Variants in TG observed in about 807,000 individuals in gnomAD.
The protein encoded by TG is thyroglobulin.
TG carries 270 observed loss-of-function variants against 324.7 expected under a neutral mutation model. The observed-to-expected ratio is 0.83, with a 90% CI of 0.75 to 0.92. The LOEUF (loss-of-function observed/expected upper bound fraction) is 0.92, where lower values mean the gene tolerates loss of function less well. Among genes scored for constraint, TG ranks in the 40% least tolerant of loss-of-function variants. The probability of loss-of-function intolerance (pLI) is 0.00; values close to 1 mark genes in which losing one functional copy is unlikely to be tolerated. For synonymous variants in TG, 1,401 were observed against 1,327.0 expected, an observed-to-expected ratio of 1.06 and a Z score of -1.21; for missense variants, 3,591 against 3,456.4, an observed-to-expected ratio of 1.04 and a Z score of -0.98.
intron 41 of TG, among the ~76,000 whole-genome samples, chr8:133,038,988 C>CTG (rs1837631007): frequency 6.6e-6 from 1 of 152,134 alleles, no homozygotes; most frequent in African/African-American, 2.4e-5. Flanking sequence ...AGCGATTCTC[C>CTG]CTCCTTAGCC....
intron 35 of TG, among the ~76,000 whole-genome samples, chr8:132,992,428 T>C (rs1053477429): frequency 1.3e-5 from 2 of 152,212 alleles, no homozygotes; most frequent in African/African-American, 4.8e-5. Context: ...TAGTATTAGG[T>C]GCAAAAGTTA....
At position 132,952,562 on chromosome 8, in the gene TG, C is replaced by A. The variant is rs137877327; in HGVS notation, c.5401+3619C>A. On this transcript the variant is annotated intron_variant, in intron 27 of 47. Transcript: ENST00000220616. ...ACACCTGCTTTCGTTGATCAATTCA[C>A]GGGTACTATCAGGCTATGGTTCAAC... Among the ~76,000 whole-genome samples the A allele has an allele frequency of 8.7e-4, 132 of 152,250 alleles. 2 individuals are homozygous for A. Among genetic ancestry groups the A allele is most frequent in the African/African-American group, 3.1e-3 (129 of 41,544 alleles).
chr8:132,916,076 T>C (rs949388598), intron 20 of TG, among the ~76,000 whole-genome samples: 12 of 152,328 alleles, frequency 7.9e-5, no homozygotes, highest in African/African-American at 2.4e-4. Context: ...GAGGGGCCTA[T>C]AGTGCCACAC....
chr8:133,018,769 C>T (rs185134836), intron 38 of TG, among the ~76,000 whole-genome samples: 1 of 152,124 alleles, frequency 6.6e-6, no homozygotes, highest in East Asian at 1.9e-4. Flanking sequence ...TATCCTCAGG[C>T]AGCTGCAACC....
intron 5 of TG, among the ~76,000 whole-genome samples, chr8:132,877,378 A>T (rs1813967344): frequency 6.6e-6 from 1 of 152,068 alleles, no homozygotes; most frequent in Non-Finnish European, 1.5e-5. Flanking sequence ...ACCTCAAGTG[A>T]TCCACCCACC....
chr8:133,043,527 C>T (rs1051344381), intron 41 of TG, among the ~76,000 whole-genome samples: 10 of 152,184 alleles, frequency 6.6e-5, no homozygotes, highest in Admixed American at 3.9e-4. Flanking sequence ...CTATGCTGAA[C>T]GCACTACATG....
intron 22 of TG, among the ~76,000 whole-genome samples, chr8:132,925,077 G>A (rs537120412): frequency 2.6e-5 from 4 of 152,206 alleles, no homozygotes; most frequent in African/African-American, 4.8e-5. Context: ...GGAAGGAGAG[G>A]GCCTAACATA....
intron 45 of TG, among the ~76,000 whole-genome samples, chr8:133,118,769 G>T (rs1213423937): frequency 6.6e-6 from 1 of 152,124 alleles, no homozygotes; most frequent in Non-Finnish European, 1.5e-5. Context: ...GCTGAATAGT[G>T]GCCCCCGAAA....
chr8:133,003,613 C>CT (rs1464895527), intron 35 of TG, among the ~76,000 whole-genome samples: 1 of 152,046 alleles, frequency 6.6e-6, no homozygotes, highest in South Asian at 2.1e-4. Flanking sequence ...AAAAATTAAG[C>CT]TTTAAAAAAG....
chr8:132,913,366 T>G, intron 20 of TG, 101 bp downstream of exon 20: 1 of 1,228,152 alleles, frequency 8.1e-7, no homozygotes, highest in Non-Finnish European at 1.2e-6. Context: ...CATCCAGGGC[T>G]GAGAACCATC....
At chr8:133,033,912 T>C (rs1836855865) in intron 41 of TG, among the ~76,000 whole-genome samples, 2 of 152,260 alleles carry the variant, frequency 1.3e-5, no homozygotes, top group East Asian at 1.9e-4. Flanking sequence ...TGAAAACTTA[T>C]ATGAGTTTAA....
intron 10 of TG, among the ~76,000 whole-genome samples, chr8:132,893,364 TGTGGTGTATATGTGTGTAGTGTGGGGGG>T (rs1816585111): frequency 7.1e-6 from 1 of 141,222 alleles, no homozygotes; most frequent in Non-Finnish European, 1.5e-5. Context: ...GTGGTGTGTC[TGTGGTGTATATGTGTGTAGTGTGGGGGG>T]GTGGTGTGTA....
intron 27 of TG, among the ~76,000 whole-genome samples, chr8:132,954,767 G>C (rs1251081347): frequency 6.6e-6 from 1 of 152,184 alleles, no homozygotes; most frequent in Non-Finnish European, 1.5e-5. Flanking sequence ...CATTTACTGA[G>C]GGGGAGAGTA....
intron 35 of TG, among the ~76,000 whole-genome samples, chr8:132,989,511 C>T (rs1055071326): frequency 6.6e-6 from 1 of 152,186 alleles, no homozygotes; most frequent in Non-Finnish European, 1.5e-5. Context: ...AGAGAGATGT[C>T]TCGTTACAGT....
chr8:133,106,814 C>A (rs544038706), intron 43 of TG, among the ~76,000 whole-genome samples: 1 of 152,266 alleles, frequency 6.6e-6, no homozygotes, highest in South Asian at 2.1e-4. Flanking sequence ...GAACTAGAAG[C>A]CCCATGCAGG....
intron 41 of TG, among the ~76,000 whole-genome samples, chr8:133,078,820 A>G (rs1479594931): frequency 6.6e-6 from 1 of 152,234 alleles, no homozygotes; most frequent in Non-Finnish European, 1.5e-5. Context: ...CAGAGGACAG[A>G]CGGGGAGAGA....
intron 8 of TG, among the ~76,000 whole-genome samples, chr8:132,883,628 G>T (rs1401005721): frequency 1.3e-5 from 2 of 152,096 alleles, no homozygotes; most frequent in Non-Finnish European, 2.9e-5. Flanking sequence ...ACAAAGGCTT[G>T]GGGGCTTCAT....
rs1818153599 is a variant in TG at position 132,903,075 on chromosome 8, A to T, written c.3634+1522A>T. On this transcript the variant is annotated intron_variant, in intron 16 of 47. Transcript: ENST00000220616. The stretch of plus-strand genomic sequence containing the variant: ...ATTTAACCCGGAGTCCTGCTGATGA[A>T]ACCCTCTGCTGTACAGCTGTGAGGG... 3.3e-5 allele frequency among the ~76,000 whole-genome samples: 5 copies of T among 152,284 alleles called. No homozygotes were observed. In the South Asian group the frequency reaches 1.0e-3, roughly 32 times the overall value.
intron 41 of TG, chr8:133,076,759 T>TTAAAAA (rs749499959): frequency 1.6e-5 from 2 of 128,464 alleles, no homozygotes; most frequent in Non-Finnish European, 3.2e-5. Context: ...GATTTAGCTG[T>TTAAAAA]AAAAAAAAAA....
Sources: gnomAD v4.1 joint callset for allele counts (sites outside exome capture counted in the v4.1 genomes callset) on GRCh38, gnomAD v4.1.1 for gene constraint, MANE v1.5 for transcripts, NCBI Gene and HGNC (gene_info 2026-07-23, HGNC 2026-07-21) for gene names.